Variants in CSMD1 observed in about 807,000 individuals in gnomAD.
CSMD1 encodes CUB and sushi domain-containing protein 1.
In CSMD1, 213 loss-of-function variants were observed where a neutral mutation model predicts 417.5. The observed-to-expected ratio is 0.51, with a 90% CI of 0.46 to 0.57. CSMD1 has a LOEUF of 0.57. Ranked by LOEUF, CSMD1 falls within the 20% of genes least tolerant of loss-of-function variation. The probability of loss-of-function intolerance (pLI) is 0.00; values close to 1 mark genes in which losing one functional copy is unlikely to be tolerated. For missense variants in CSMD1, 6,923 were observed against 4,529.7 expected, an observed-to-expected ratio of 1.53 and a Z score of -15.17; for synonymous variants, 2,862 against 1,736.8, an observed-to-expected ratio of 1.65 and a Z score of -16.11.
At chr8:2,965,228 G>C (rs1026642263) in intron 59 of CSMD1, among the ~76,000 whole-genome samples, 2 of 152,142 alleles carry the variant, frequency 1.3e-5, no homozygotes, top group Non-Finnish European at 2.9e-5. Context: ...AGTTGAGCCT[G>C]TCTTGATTTG....
At chr8:3,485,023 A>G (rs1037430297) in intron 11 of CSMD1, among the ~76,000 whole-genome samples, 1 of 152,212 alleles carries the variant, frequency 6.6e-6, no homozygotes, top group African/African-American at 2.4e-5. Context: ...AAAACTAAAC[A>G]TACAACCAAC....
At chr8:4,415,876 A>C (rs1454687476) in intron 3 of CSMD1, among the ~76,000 whole-genome samples, 1 of 152,216 alleles carries the variant, frequency 6.6e-6, no homozygotes, top group African/African-American at 2.4e-5. Flanking sequence ...AAGAGGAAAC[A>C]GTGAGTGTAT....
chr8:3,557,325 C>T (rs1256109287), intron 10 of CSMD1, among the ~76,000 whole-genome samples: 1 of 152,108 alleles, frequency 6.6e-6, no homozygotes, highest in Non-Finnish European at 1.5e-5. Flanking sequence ...TATGGCAGAC[C>T]ATCGCTGCCT....
intron 2 of CSMD1, among the ~76,000 whole-genome samples, chr8:4,596,239 G>C (rs917464973): frequency 1.3e-5 from 2 of 152,112 alleles, no homozygotes; most frequent in Non-Finnish European, 1.5e-5. Context: ...AAAAATCATA[G>C]GACAGTATAT....
chr8:3,487,312 C>G (rs540618829), intron 11 of CSMD1, among the ~76,000 whole-genome samples: 1 of 152,154 alleles, frequency 6.6e-6, no homozygotes, highest in Non-Finnish European at 1.5e-5. Flanking sequence ...CGCCATTCTC[C>G]TGCCTCAGCC....
intron 32 of CSMD1, among the ~76,000 whole-genome samples, chr8:3,200,039 C>T (rs917346971): frequency 1.3e-5 from 2 of 151,992 alleles, no homozygotes; most frequent in Admixed American, 6.6e-5. Flanking sequence ...ATCATTATTT[C>T]GCTTATGATT....
chr8:4,943,337 A>G (rs909762925), intron 1 of CSMD1, among the ~76,000 whole-genome samples: 28 of 151,966 alleles, frequency 1.8e-4, no homozygotes, highest in Admixed American at 2.6e-4. Context: ...CTACTAAAAT[A>G]TACAAAAAAT....
intron 1 of CSMD1, among the ~76,000 whole-genome samples, chr8:4,903,828 C>T (rs1805059216): frequency 6.6e-6 from 1 of 152,124 alleles, no homozygotes; most frequent in African/African-American, 2.4e-5. Context: ...ACTCAAATGG[C>T]CAAGAAGTAC....
chr8:4,834,827 G>C (rs1800365943), intron 1 of CSMD1, among the ~76,000 whole-genome samples: 1 of 150,850 alleles, frequency 6.6e-6, no homozygotes, highest in Non-Finnish European at 1.5e-5. Flanking sequence ...CGTGGTGGTG[G>C]GCGCCTGTAA....
intron 3 of CSMD1, among the ~76,000 whole-genome samples, chr8:4,106,684 T>G (rs1472405851): frequency 6.6e-6 from 1 of 152,194 alleles, no homozygotes. Context: ...TTTTCTTTAT[T>G]TCATACCAAG....
intron 1 of CSMD1, among the ~76,000 whole-genome samples, chr8:4,700,452 G>A (rs560239454): frequency 2.4e-4 from 36 of 152,100 alleles, no homozygotes; most frequent in African/African-American, 8.4e-4. Context: ...ACACCTCATT[G>A]CTTGGAAACA....
rs1809730307 is a variant in CSMD1 at position 4,729,870 on chromosome 8, C to A, written c.86-92312G>T. ...TAAGTCCTAATCTTTCTTTTGAATTCCTAAGGTGATAGGAACCTCATCTGA... is the reference window on the plus strand; with the variant it reads ...TAAGTCCTAATCTTTCTTTTGAATTACTAAGGTGATAGGAACCTCATCTGA... On this transcript the variant is annotated intron_variant, in intron 1 of 69. Transcript: ENST00000635120. 2.0e-5 allele frequency among the ~76,000 whole-genome samples: 3 copies of A among 152,260 alleles called. No individual in the cohort carries two copies. The South Asian group carries it at 6.2e-4, about 32-fold the overall frequency.
chr8:3,311,593 G>A (rs1412339096), intron 23 of CSMD1, among the ~76,000 whole-genome samples: 2 of 152,310 alleles, frequency 1.3e-5, no homozygotes, highest in African/African-American at 4.8e-5. Flanking sequence ...TAGACGATTT[G>A]TGCTAGTATT....
intron 12 of CSMD1, among the ~76,000 whole-genome samples, chr8:3,416,302 CAAAAAAAAAAAAAA>C (rs11358404): frequency 0.022 from 1,297 of 59,074 alleles, 46 homozygotes; most frequent in African/African-American, 0.079. Context: ...GACTCCGTCT[CAAAAAAAAAAAAAA>C]AAAAAAAAAA....
At chr8:3,439,098 G>C (rs1470975769) in intron 12 of CSMD1, among the ~76,000 whole-genome samples, 8 of 108,004 alleles carry the variant, frequency 7.4e-5, no homozygotes, top group Non-Finnish European at 1.4e-4. Flanking sequence ...ACTCCAGCCT[G>C]GGTGACAGAG....
intron 3 of CSMD1, among the ~76,000 whole-genome samples, chr8:4,384,418 G>A (rs1803309110): frequency 6.6e-6 from 1 of 152,010 alleles, no homozygotes; most frequent in African/African-American, 2.4e-5. Flanking sequence ...TACAACAAAG[G>A]AAAACTAATA....
At chr8:4,388,649 A>G (rs964598101) in intron 3 of CSMD1, among the ~76,000 whole-genome samples, 8 of 152,168 alleles carry the variant, frequency 5.3e-5, no homozygotes, top group African/African-American at 1.4e-4. Context: ...ATCACCATTA[A>G]AAAACTTACC....
intron 1 of CSMD1, among the ~76,000 whole-genome samples, chr8:4,921,556 T>A (rs1806500563): frequency 6.6e-6 from 1 of 152,166 alleles, no homozygotes; most frequent in African/African-American, 2.4e-5. Context: ...ACTGTGAACA[T>A]AGAAATTCAG....
At chr8:3,812,192 C>G (rs1298353488) in intron 5 of CSMD1, among the ~76,000 whole-genome samples, 2 of 152,084 alleles carry the variant, frequency 1.3e-5, no homozygotes, top group Non-Finnish European at 2.9e-5. Context: ...ATAAAAGAGA[C>G]CACATACAAA....
Sources: gnomAD v4.1 joint callset for allele counts (sites outside exome capture counted in the v4.1 genomes callset) on GRCh38, gnomAD v4.1.1 for gene constraint, MANE v1.5 for transcripts, NCBI Gene and HGNC (gene_info 2026-07-23, HGNC 2026-07-21) for gene names.